EXOC6B: variants seen among roughly 807,000 people sequenced by gnomAD.
EXOC6B encodes SEC15 homolog B.
Under a neutral mutation model 113.5 loss-of-function variants are expected in EXOC6B, and 54 were observed. That is an observed-to-expected ratio of 0.48 (90% CI 0.38 to 0.60). The LOEUF is 0.60. Ranked by LOEUF, EXOC6B falls within the 20% of genes least tolerant of loss-of-function variation. The pLI is 0.00. For synonymous variants in EXOC6B, 357 were observed against 339.0 expected (o/e 1.05, Z -0.58); for missense variants, 797 against 977.5 (o/e 0.82, Z 2.46).
intron 17 of EXOC6B, among the ~76,000 whole-genome samples, chr2:72,471,979 C>A (rs1031916788): frequency 1.3e-5 from 2 of 152,080 alleles, no homozygotes; most frequent in African/African-American, 4.8e-5. Context: ...ATTAAGATGA[C>A]CATATGGTTT....
At chr2:72,722,852 G>T (rs1301398278) in intron 5 of EXOC6B, among the ~76,000 whole-genome samples, 1 of 152,110 alleles carries the variant, frequency 6.6e-6, no homozygotes, top group Non-Finnish European at 1.5e-5. Flanking sequence ...GTCTGCAGAC[G>T]CAAGGCACAT....
intron 8 of EXOC6B, among the ~76,000 whole-genome samples, chr2:72,558,324 TGAA>T (rs1337841667): frequency 6.6e-6 from 1 of 151,406 alleles, no homozygotes; most frequent in Non-Finnish European, 1.5e-5. Context: ...AAGAGGAAGA[TGAA>T]GAAGTGGGCA....
At chr2:72,309,918 C>T (rs1572893656) in intron 20 of EXOC6B, among the ~76,000 whole-genome samples, 1 of 152,072 alleles carries the variant, frequency 6.6e-6, no homozygotes, top group South Asian at 2.1e-4. Flanking sequence ...TTGTGTTTGA[C>T]TTCTTTCACT....
intron 7 of EXOC6B, among the ~76,000 whole-genome samples, chr2:72,560,267 C>A: frequency 6.7e-6 from 1 of 149,174 alleles, no homozygotes; most frequent in African/African-American, 2.5e-5. Flanking sequence ...TCTCGACTAC[C>A]TAAGTTGAAA....
intron 6 of EXOC6B, among the ~76,000 whole-genome samples, chr2:72,660,974 T>C (rs1488179490): frequency 6.6e-6 from 1 of 152,136 alleles, no homozygotes; most frequent in Non-Finnish European, 1.5e-5. Context: ...GAAATGCCCT[T>C]TTTTCTCTTT....
At chr2:72,637,029 C>G (rs1327066913) in intron 6 of EXOC6B, among the ~76,000 whole-genome samples, 1 of 151,384 alleles carries the variant, frequency 6.6e-6, no homozygotes, top group Non-Finnish European at 1.5e-5. Flanking sequence ...TACCAATGAG[C>G]ATGTGGACAC....
intron 6 of EXOC6B, among the ~76,000 whole-genome samples, chr2:72,644,025 T>G (rs1673486043): frequency 6.6e-6 from 1 of 152,002 alleles, no homozygotes; most frequent in South Asian, 2.1e-4. Context: ...TTCAAACCCA[T>G]CACAAGGAAG....
intron 20 of EXOC6B, among the ~76,000 whole-genome samples, chr2:72,288,416 A>T (rs943267579): frequency 1.3e-5 from 2 of 152,084 alleles, no homozygotes; most frequent in Non-Finnish European, 2.9e-5. Context: ...AAGACAAGAC[A>T]ACAAAAAAAC....
chr2:72,792,544 C>T (rs1017129488), intron 1 of EXOC6B, among the ~76,000 whole-genome samples: 1 of 152,110 alleles, frequency 6.6e-6, no homozygotes, highest in South Asian at 2.1e-4. Flanking sequence ...GCATCTGCTT[C>T]GAGTCATGAT....
chr2:72,390,007 C>G (rs1300116144), intron 18 of EXOC6B, among the ~76,000 whole-genome samples: 1 of 152,100 alleles, frequency 6.6e-6, no homozygotes, highest in African/African-American at 2.4e-5. Context: ...ATTGCTTGAA[C>G]CTGGGAGGTG....
intron 20 of EXOC6B, among the ~76,000 whole-genome samples, chr2:72,285,025 T>C (rs1377715415): frequency 4.6e-5 from 7 of 152,094 alleles, no homozygotes; most frequent in African/African-American, 1.4e-4. Flanking sequence ...GAAGACAATA[T>C]TGTCAAGATA....
intron 18 of EXOC6B, among the ~76,000 whole-genome samples, chr2:72,408,954 C>T (rs765254594): frequency 1.3e-5 from 2 of 152,048 alleles, no homozygotes; most frequent in South Asian, 2.1e-4. Context: ...AGAAAATTTT[C>T]GCAACCTACT....
At chr2:72,259,120 T>G (rs1319501023) in intron 20 of EXOC6B, among the ~76,000 whole-genome samples, 1 of 152,204 alleles carries the variant, frequency 6.6e-6, no homozygotes, top group Non-Finnish European at 1.5e-5. Flanking sequence ...GAGAAATGCA[T>G]ACACTGATAT....
intron 11 of EXOC6B, among the ~76,000 whole-genome samples, chr2:72,511,295 C>T (rs2105657958): frequency 6.6e-6 from 1 of 152,154 alleles, no homozygotes; most frequent in African/African-American, 2.4e-5. Context: ...CGAATGTAAA[C>T]TCATCATCTC....
intron 12 of EXOC6B, 90 bp downstream of exon 12, chr2:72,499,811 G>C: frequency 3.4e-6 from 3 of 871,122 alleles, no homozygotes; most frequent in Non-Finnish European, 5.5e-6. Flanking sequence ...TATGATTACA[G>C]GCAAAAGCCA....
intron 17 of EXOC6B, among the ~76,000 whole-genome samples, chr2:72,478,045 A>G (rs1698855566): frequency 6.6e-6 from 1 of 152,208 alleles, no homozygotes; most frequent in Non-Finnish European, 1.5e-5. Context: ...AAACTTGTTC[A>G]ATAAATGAGA....
chr2:72,610,142 G>A (rs1289551100), intron 6 of EXOC6B, among the ~76,000 whole-genome samples: 1 of 151,996 alleles, frequency 6.6e-6, no homozygotes, highest in Non-Finnish European at 1.5e-5. Context: ...AGTGGGTATG[G>A]CTATCTTAAT....
chr2:72,668,515 C>G (rs977315124), intron 6 of EXOC6B, among the ~76,000 whole-genome samples: 3 of 151,874 alleles, frequency 2.0e-5, no homozygotes, highest in African/African-American at 7.3e-5. Context: ...TGGAGTCAAC[C>G]TAGGTGCCCA....
chr2:72,443,695 G>A (rs989096083), intron 18 of EXOC6B, among the ~76,000 whole-genome samples: 1 of 152,170 alleles, frequency 6.6e-6, no homozygotes, highest in African/African-American at 2.4e-5. Flanking sequence ...GCAGACAAGA[G>A]AGAATATGTG....
Sources: gnomAD v4.1 joint callset for allele counts (sites outside exome capture counted in the v4.1 genomes callset) on GRCh38, gnomAD v4.1.1 for gene constraint, MANE v1.5 for transcripts, NCBI Gene and HGNC (gene_info 2026-07-23, HGNC 2026-07-21) for gene names.